The following PRKCZ variants were observed in gnomAD, a reference collection of about 807,000 sequenced individuals.
PRKCZ encodes the protein protein kinase C zeta type.
A neutral mutation model predicts 79.5 loss-of-function variants in PRKCZ; 33 were observed. The ratio of observed to expected loss-of-function variants is 0.41; its 90% CI spans 0.31 to 0.55. The LOEUF (loss-of-function observed/expected upper bound fraction) is 0.55. PRKCZ is among the 20% of genes least tolerant of loss of function. PRKCZ has a pLI of 0.19. For missense variants in PRKCZ, 578 were observed against 813.5 expected, an observed-to-expected ratio of 0.71 and a Z score of 3.52; for synonymous variants, 342 against 320.9, an observed-to-expected ratio of 1.07 and a Z score of -0.70.
intron 10 of PRKCZ, among the ~76,000 whole-genome samples, chr1:2,166,701 G>A (rs1358498856): frequency 6.6e-6 from 1 of 152,158 alleles, no homozygotes; most frequent in Non-Finnish European, 1.5e-5. Context: ...GACATGGCGA[G>A]TGTGGCTACC....
At chr1:2,051,663 C>A (rs1033644124) in intron 1 of PRKCZ, among the ~76,000 whole-genome samples, 1 of 152,224 alleles carries the variant, frequency 6.6e-6, no homozygotes, top group Non-Finnish European at 1.5e-5. Flanking sequence ...GAGGCAGGGA[C>A]GGCCGGCAGG....
At position 2,089,044 on chromosome 1, in the gene PRKCZ, C is replaced by G. The variant is rs1466529718; in HGVS notation, c.334+29453C>G. On this transcript the variant is annotated intron_variant, in intron 4 of 17. Coordinates refer to ENST00000378567, the MANE Select transcript of PRKCZ (RefSeq NM_002744.6). ...CTAGTGATACGAGGTTAGAATCCCT[C>G]CCTGTCATCAGCTAATAATAGCAGT... 2.0e-5 allele frequency among the ~76,000 whole-genome samples: 3 copies of G among 152,252 alleles called. No homozygotes were observed. In the East Asian group the frequency reaches 5.8e-4, roughly 29 times the overall value.
At chr1:2,170,590 CCA>C (rs1684237011) in intron 11 of PRKCZ, among the ~76,000 whole-genome samples, 1 of 152,202 alleles carries the variant, frequency 6.6e-6, no homozygotes, top group Admixed American at 6.5e-5. Context: ...CGTCTCATCT[CCA>C]GAGCACGCCC....
Position 2,185,354 on chromosome 1 carries a change from C to CGT in PRKCZ, c.*348_*349dup, listed in dbSNP as rs1557768644. On this transcript the variant is annotated 3_prime_UTR_variant, in exon 18 of 18. Transcript: ENST00000378567. ...TGACCTGCTCCGCCAGGAAAGTGAG[C>CGT]GTGTAGCGTCCTGAGGAATAAAATG... 1.4e-6 allele frequency: 1 copy of CGT among 718,782 alleles called. No individual in the cohort carries two copies. Among genetic ancestry groups the CGT allele is most frequent in the South Asian group, 1.5e-5 (1 of 67,594 alleles). 44.5% of individuals were successfully genotyped at this position (718,782 alleles called of 1,614,324 possible).
intron 10 of PRKCZ, among the ~76,000 whole-genome samples, chr1:2,166,385 C>T (rs994849516): frequency 2.0e-5 from 3 of 152,204 alleles, no homozygotes; most frequent in African/African-American, 7.2e-5. Flanking sequence ...CACCACTGCA[C>T]TCCAGCCTGA....
At position 2,082,802 on chromosome 1, in the gene PRKCZ, C is replaced by G. The variant is rs527975842; in HGVS notation, c.334+23211C>G. Among the ~76,000 whole-genome samples the G allele has an allele frequency of 6.6e-6, 1 of 151,954 alleles. No individual in the cohort carries two copies. Among genetic ancestry groups the G allele is most frequent in the East Asian group, 1.9e-4 (1 of 5,136 alleles). ...ACACCTGTCCTCCTTCACAGGGGCA[C>G]TCCGGATGTAGTAGCAGGGAGAGGG... On this transcript the variant is annotated intron_variant, in intron 4 of 17. Transcript: ENST00000378567. This position sits in a 1 kb window ranked among gnomAD's most constrained non-coding sequence, Gnocchi z 4.4.
intron 5 of PRKCZ, among the ~76,000 whole-genome samples, chr1:2,139,436 A>G (rs940450546): frequency 6.6e-6 from 1 of 151,872 alleles, no homozygotes; most frequent in African/African-American, 2.4e-5. Context: ...AAAAATACAA[A>G]AAAAGTAGCC....
At chr1:2,052,343 C>T (rs1353066689) in intron 1 of PRKCZ, among the ~76,000 whole-genome samples, 1 of 152,112 alleles carries the variant, frequency 6.6e-6, no homozygotes, top group East Asian at 1.9e-4. Flanking sequence ...CCCGGTGACT[C>T]TGGTTTCCCA....
Position 2,175,275 on chromosome 1 carries a change from A to G in PRKCZ, c.1537A>G (p.Lys513Glu). 6.2e-7 allele frequency: 1 copy of G among 1,613,752 alleles called. No homozygotes were observed. Reference protein sequence around the residue: ...CRPQTGFSDIKSHAFFRSIDW... With the variant: ...CRPQTGFSDIESHAFFRSIDW... Reference sequence around the variant, plus strand: ...GCCACAGACTGGATTTTCTGACATCAAGTCCCACGCGTTCTTCCGCAGCAT... The same window carrying G: ...GCCACAGACTGGATTTTCTGACATCGAGTCCCACGCGTTCTTCCGCAGCAT... The change falls in exon 16 of 18, where the codon AAG (lysine) becomes GAG (glutamate). Residue 513 changes from lysine (K) to glutamate (E), a missense_variant. Transcript: ENST00000378567.
At chr1:2,058,549 C>T (rs1010026407) in intron 3 of PRKCZ, among the ~76,000 whole-genome samples, 8 of 151,962 alleles carry the variant, frequency 5.3e-5, no homozygotes, top group African/African-American at 1.9e-4. Flanking sequence ...CACATTTTGC[C>T]TCTCTATGTG....
chr1:2,173,976 C>A lies in PRKCZ; in HGVS notation c.1365C>A (p.Thr455=). Reference sequence around the variant, plus strand: ...GGCGCTCCCCGTTCGACATCATCACCGACAACCCGGACATGAACACAGAGG... The same window carrying A: ...GGCGCTCCCCGTTCGACATCATCACAGACAACCCGGACATGAACACAGAGG... ...MAGRSPFDII[T]DNPDMNTEDY... Residue 455 remains threonine (T), a synonymous_variant, in exon 14 of 18, where the codon ACC becomes ACA. Coordinates refer to ENST00000378567, the MANE Select transcript of PRKCZ (RefSeq NM_002744.6). This position sits in a 1 kb window ranked among gnomAD's most constrained non-coding sequence, Gnocchi z 5.7. 6.2e-7 allele frequency: 1 copy of A among 1,612,798 alleles called. No homozygotes were observed.
At chr1:2,099,588 A>G (rs1667113037) in intron 4 of PRKCZ, among the ~76,000 whole-genome samples, 1 of 152,204 alleles carries the variant, frequency 6.6e-6, no homozygotes, top group African/African-American at 2.4e-5. Flanking sequence ...GGGAGGGGGC[A>G]GCAAGGACCC....
In PRKCZ at chr1:2,099,609, C is replaced by T. The variant is rs560251133; in HGVS notation, c.335-35653C>T. ...GGGCAGCAAGGACCCTGTGGGCAGCCGGGGGCACGGCACAGGCTGTGGCTG... is the reference window on the plus strand; with the variant it reads ...GGGCAGCAAGGACCCTGTGGGCAGCTGGGGGCACGGCACAGGCTGTGGCTG... On this transcript the variant is annotated intron_variant, in intron 4 of 17. Transcript: ENST00000378567. 1.3e-4 allele frequency among the ~76,000 whole-genome samples: 20 copies of T among 152,200 alleles called. No individual in the cohort carries two copies. In the South Asian group the frequency reaches 2.1e-3, roughly 16 times the overall value.
chr1:2,107,094 C>T (rs1449014752), intron 4 of PRKCZ, among the ~76,000 whole-genome samples: 1 of 152,270 alleles, frequency 6.6e-6, no homozygotes, highest in African/African-American at 2.4e-5. Context: ...GCCTGTGCCT[C>T]GCAGGGCCTG....
Position 2,185,242 on chromosome 1 carries a change from C to G in PRKCZ, c.*233C>G, listed in dbSNP as rs1290204844. On this transcript the variant is annotated 3_prime_UTR_variant, in exon 18 of 18. Coordinates refer to ENST00000378567, the MANE Select transcript of PRKCZ (RefSeq NM_002744.6). ...GAGGAACTTGCTGCTGTGCCTGCGT[C>G]GCGGCGGATCCGCGGGGACCCTGCC... 1 of 710,760 alleles carries G rather than the reference C, an allele frequency of 1.4e-6. No individual in the cohort carries two copies. The highest frequency in any genetic ancestry group is 1.7e-5 in the African/African-American group (1 of 57,240). The allele number at this position is 710,760 out of a possible 1,614,324, so 44.0% of individuals were successfully genotyped here.
Position 2,185,123 on chromosome 1 carries a change from C to T in PRKCZ, c.*114C>T, listed in dbSNP as rs1687382609. ...CTCCGAGGGCGGCCAGGGACAGACG[C>T]TTGCGCCGAGACCGCAGAGGGAAGC... On this transcript the variant is annotated 3_prime_UTR_variant, in exon 18 of 18. Coordinates refer to ENST00000378567, the MANE Select transcript of PRKCZ (RefSeq NM_002744.6). The T allele has an allele frequency of 9.5e-7, 1 of 1,047,152 alleles. No individual in the cohort carries two copies. The highest frequency in any genetic ancestry group is 1.4e-6 in the Non-Finnish European group (1 of 705,496). The allele number at this position is 1,047,152 out of a possible 1,614,324, so 64.9% of individuals were successfully genotyped here.
chr1:2,143,946 T>C, intron 5 of PRKCZ: 1 of 416,168 alleles, frequency 2.4e-6, no homozygotes, highest in Non-Finnish European at 4.4e-6. Flanking sequence ...CCCTGCCCGA[T>C]GGCACCTCCC....
intron 16 of PRKCZ, 101 bp downstream of exon 16, chr1:2,175,414 A>G (rs956196850): frequency 3.1e-5 from 24 of 773,690 alleles, no homozygotes; most frequent in Non-Finnish European, 3.9e-5. Context: ...CCCAACCCCC[A>G]CCCCACCCCA....
At chr1:2,078,592 T>G (rs1662873647) in intron 4 of PRKCZ, among the ~76,000 whole-genome samples, 1 of 152,080 alleles carries the variant, frequency 6.6e-6, no homozygotes, top group Non-Finnish European at 1.5e-5. Context: ...CATTTGGATG[T>G]GAGGAGCTTT....
Sources: gnomAD v4.1 joint callset for allele counts (sites outside exome capture counted in the v4.1 genomes callset) on GRCh38, gnomAD v4.1.1 for gene constraint, Gnocchi (gnomAD v3.1) non-coding constraint, MANE v1.5 for transcripts, NCBI Gene and HGNC (gene_info 2026-07-23, HGNC 2026-07-21) for gene names.